CEBPZ: variants seen among roughly 807,000 people sequenced by gnomAD.
CEBPZ encodes the protein CCAAT enhancer binding protein zeta, also known as CCAAT/enhancer-binding protein zeta.
In CEBPZ, 78 loss-of-function variants were observed where a neutral mutation model predicts 104.5. The ratio of observed to expected loss-of-function variants is 0.75; its 90% CI spans 0.62 to 0.90. CEBPZ has a LOEUF of 0.90. CEBPZ is among the 40% of genes least tolerant of loss of function. The probability of loss-of-function intolerance (pLI) is 0.00; values close to 1 mark genes in which losing one functional copy is unlikely to be tolerated. For synonymous variants in CEBPZ, 470 were observed against 427.0 expected (o/e 1.10, Z -1.24); for missense variants, 1,439 against 1,233.5 (o/e 1.17, Z -2.50).
In CEBPZ at chr2:37,220,430, A is replaced by C; in HGVS notation, c.2109T>G (p.Pro703=). 6.2e-7 allele frequency: 1 copy of C among 1,602,620 alleles called. No homozygotes were observed. Among genetic ancestry groups the C allele is most frequent in the Non-Finnish European group, 8.5e-7 (1 of 1,173,188 alleles). ...TTGTATTTTCAGCTCCACAGAACAG[A>C]GGGTTTCTACTGAATGGATCGTATT... ...LNKYDPFSRN[P]LFCGAENTSL... is the part of the protein sequence containing the mutation. Residue 703 remains proline, a synonymous_variant, in exon 5 of 16, where the codon CCT becomes CCG. Coordinates refer to ENST00000234170, the MANE Select transcript of CEBPZ (RefSeq NM_005760.3).
intron 4 of CEBPZ, among the ~76,000 whole-genome samples, chr2:37,220,973 C>G (rs1473824257): frequency 1.3e-5 from 2 of 151,882 alleles, no homozygotes; most frequent in African/African-American, 4.8e-5. Context: ...ATCCAGCCTT[C>G]CTGACAGAGC....
In CEBPZ at chr2:37,218,537, T is replaced by C. The variant is rs981522831; in HGVS notation, c.2155-1500A>G. Among the ~76,000 whole-genome samples, 4 of 152,336 alleles carry C rather than the reference T, an allele frequency of 2.6e-5. No individual in the cohort carries two copies. In the South Asian group the frequency reaches 6.2e-4, roughly 24 times the overall value. ...TGTAATATGGAATCTGAAACCCATA[T>C]TCAATTGGCTTTTGGTACTTGCTAC... On this transcript the variant is annotated intron_variant, in intron 5 of 15. Transcript: ENST00000234170.
At position 37,212,051 on chromosome 2, in the gene CEBPZ, C is replaced by A. The variant is rs1178299205; in HGVS notation, c.2604-12G>T. The A allele has an allele frequency of 6.4e-7, 1 of 1,571,712 alleles. No homozygotes were observed. Among genetic ancestry groups the A allele is most frequent in the Non-Finnish European group, 8.6e-7 (1 of 1,164,044 alleles). ...TCTTTTTCACGTTTCTGGAAAAAAA[C>A]ACAACTTGTAATACAAGAGGAGGCA... On this transcript the variant is annotated splice_polypyrimidine_tract_variant and intron_variant, in intron 11 of 15. Coordinates refer to ENST00000234170, the MANE Select transcript of CEBPZ (RefSeq NM_005760.3).
rs1201159034 is a variant in CEBPZ, at chr2:37,214,870, A to G, written c.2447+16T>C. On this transcript the variant is annotated intron_variant, in intron 9 of 15. Coordinates refer to ENST00000234170, the MANE Select transcript of CEBPZ (RefSeq NM_005760.3). The stretch of plus-strand genomic sequence containing the variant: ...TTTAGCAGTTTCCCCAAATGAAACT[A>G]TATTATGTATAGTACCTGTGGAAAA... The G allele has an allele frequency of 6.5e-7, 1 of 1,546,640 alleles. No homozygotes were observed.
At chr2:37,223,029 A>C (rs2148359645) in intron 3 of CEBPZ, 141 bp downstream of exon 3, 1 of 677,354 alleles carries the variant, frequency 1.5e-6, no homozygotes, top group Middle Eastern at 4.1e-4. Context: ...CTGGTACTAA[A>C]ATCTAGGTTT....
Position 37,218,687 on chromosome 2 carries a change from T to C in CEBPZ, c.2155-1650A>G, listed in dbSNP as rs541226110. Among the ~76,000 whole-genome samples, 339 of 152,266 alleles carry C rather than the reference T, an allele frequency of 2.2e-3. 2 individuals carry two copies. The Middle Eastern group carries it at 0.041, about 18-fold the overall frequency. ...GGGAGGCTGAGGTAGGTGGATCACC[T>C]GAAGTCAGGAGTTCGAGACCAGCCT... On this transcript the variant is annotated intron_variant, in intron 5 of 15. Transcript: ENST00000234170.
intron 2 of CEBPZ, among the ~76,000 whole-genome samples, chr2:37,226,730 A>G (rs922650705): frequency 1.3e-5 from 2 of 152,190 alleles, no homozygotes; most frequent in South Asian, 2.1e-4. Context: ...TTCTCACAAG[A>G]TATATCTATG....
At chr2:37,213,514 C>T (rs542907777) in intron 10 of CEBPZ, 12 of 168,918 alleles carry the variant, frequency 7.1e-5, no homozygotes, top group Admixed American at 1.8e-4. Flanking sequence ...TGGATTCAAG[C>T]GATTCTCGTG....
chr2:37,227,021 C>G (rs1018930075), intron 2 of CEBPZ, among the ~76,000 whole-genome samples: 8 of 152,144 alleles, frequency 5.3e-5, no homozygotes, highest in Non-Finnish European at 8.8e-5. Flanking sequence ...ATGTGAGCGC[C>G]TCCAGGGGTG....
Position 37,222,231 on chromosome 2 carries a change from C to T in CEBPZ, c.2065+149G>A, listed in dbSNP as rs574127825. The T allele has an allele frequency of 4.2e-5, 24 of 571,654 alleles. No individual in the cohort carries two copies. The East Asian group carries it at 7.3e-4, about 17-fold the overall frequency. 35.4% of individuals were successfully genotyped at this position (571,654 alleles called of 1,614,324 possible). A position where few individuals can be genotyped will look rare whatever the true frequency, so the allele number is the denominator to read the frequency against. On this transcript the variant is annotated intron_variant, in intron 4 of 15. Transcript: ENST00000234170. ...CCTGGGAGGCGGAGGTTGCAGTGAG[C>T]CGAGATCACGCCTCTGCATTCCAGC...
In CEBPZ at chr2:37,228,997, C is replaced by T. The variant is rs769350274; in HGVS notation, c.196G>A (p.Glu66Lys). Reference protein sequence around the residue: ...LMLATLDENEEVIDGGKKGAI... With the variant: ...LMLATLDENEKVIDGGKKGAI... ...CCTTTTTTGCCTCCATCTATCACTTCCTCATTCTCATCCAAAGTAGCCAGC... is the reference window on the plus strand; with the variant it reads ...CCTTTTTTGCCTCCATCTATCACTTTCTCATTCTCATCCAAAGTAGCCAGC... Residue 66 changes from glutamate (E) to lysine (K), a missense_variant, in exon 2 of 16, where the codon GAA (glutamate) becomes AAA (lysine). Physicochemically the swap from Glu to Lys is moderately conservative, Grantham distance 56. Coordinates refer to ENST00000234170, the MANE Select transcript of CEBPZ (RefSeq NM_005760.3). 1.9e-6 allele frequency: 3 copies of T among 1,584,262 alleles called. No individual in the cohort carries two copies. Among genetic ancestry groups the T allele is most frequent in the South Asian group, 2.4e-5 (2 of 83,958 alleles).
At chr2:37,224,351 A>G (rs771878063) in intron 2 of CEBPZ, among the ~76,000 whole-genome samples, 1 of 152,198 alleles carries the variant, frequency 6.6e-6, no homozygotes, top group Non-Finnish European at 1.5e-5. Flanking sequence ...CAGAATTAAC[A>G]CAATCCTCCA....
chr2:37,207,659 A>C (rs1194208188), intron 13 of CEBPZ, among the ~76,000 whole-genome samples: 2 of 152,194 alleles, frequency 1.3e-5, no homozygotes, highest in South Asian at 4.1e-4. Flanking sequence ...GCGGCACTAC[A>C]TTTAGTAAGT....
intron 3 of CEBPZ, 98 bp from the exon 4 acceptor site, chr2:37,222,661 C>T: frequency 1.3e-6 from 1 of 792,728 alleles, no homozygotes; most frequent in Non-Finnish European, 1.9e-6. Context: ...CTTATTGCAA[C>T]TCTGGTGAAA....
At chr2:37,203,114 A>G (rs935229163) in intron 13 of CEBPZ, 106 bp from the exon 14 acceptor site, 2 of 693,640 alleles carry the variant, frequency 2.9e-6, no homozygotes, top group Non-Finnish European at 2.3e-6. Context: ...GGTAAAAACA[A>G]TTGCAATAAT....
chr2:37,216,169 T>G lies in CEBPZ; in HGVS notation c.2351A>C (p.His784Pro). 1.2e-6 allele frequency: 2 copies of G among 1,613,150 alleles called. No homozygotes were observed. Among genetic ancestry groups the G allele is most frequent in the Non-Finnish European group, 1.7e-6 (2 of 1,179,588 alleles). ...AAGATGACGAATATCCTTAATAAAATGTTTTCTTTTCGGCTGCATCACAAC... is the reference window on the plus strand; with the variant it reads ...AAGATGACGAATATCCTTAATAAAAGGTTTTCTTTTCGGCTGCATCACAAC... The part of the protein sequence containing the change: ...DSVVMQPKRK[H>P]FIKDIRHLPV... Residue 784 changes from histidine (H) to proline (P), a missense_variant, in exon 8 of 16, where the codon CAT becomes CCT. His to Pro is a moderately conservative substitution (Grantham distance 77). Transcript: ENST00000234170.
At chr2:37,215,951 TAAA>T (rs201108820) in intron 8 of CEBPZ, among the ~76,000 whole-genome samples, 186 bp downstream of exon 8, 145 of 111,506 alleles carry the variant, frequency 1.3e-3, no homozygotes, top group African/African-American at 4.5e-3. Context: ...GTAATAAAGT[TAAA>T]AAAAAAAAAA....
rs377606050 is a variant in CEBPZ at position 37,211,412 on chromosome 2, G to A, written c.2801-330C>T. The A allele has an allele frequency of 1.7e-5, 4 of 240,864 alleles. No individual in the cohort carries two copies. In the South Asian group the frequency reaches 4.2e-4, roughly 25 times the overall value. The allele number at this position is 240,864 out of a possible 1,614,324, so 14.9% of individuals were successfully genotyped here. ...GTTGGGCAGGCATGTGCATGCTGGA[G>A]GTATGTGAAAGGACAGAAAGGTCAG... On this transcript the variant is annotated intron_variant, in intron 12 of 15. Transcript: ENST00000234170.
intron 13 of CEBPZ, chr2:37,203,898 A>G (rs1677411203): frequency 6.6e-6 from 1 of 152,220 alleles, no homozygotes; most frequent in Non-Finnish European, 1.5e-5. Context: ...GCTACATAAT[A>G]TTCCATTGTA....
Sources: gnomAD v4.1 joint callset for allele counts (sites outside exome capture counted in the v4.1 genomes callset) on GRCh38, gnomAD v4.1.1 for gene constraint, MANE v1.5 for transcripts, NCBI Gene and HGNC (gene_info 2026-07-23, HGNC 2026-07-21) for gene names.